Variants in ADH1C observed in about 807,000 individuals in gnomAD.
The protein encoded by ADH1C is alcohol dehydrogenase 1C (class I), gamma polypeptide.
In ADH1C, 26 loss-of-function variants were observed where a neutral mutation model predicts 35.0. That is an observed-to-expected ratio of 0.74 (90% CI 0.54 to 1.03). The LOEUF (loss-of-function observed/expected upper bound fraction) is 1.03. Ranked by LOEUF, ADH1C falls within the 50% of genes least tolerant of loss-of-function variation. The pLI is 0.00. For synonymous variants in ADH1C, 170 were observed against 169.3 expected (o/e 1.00, Z -0.03); for missense variants, 413 against 465.4 (o/e 0.89, Z 1.04).
intron 6 of ADH1C, among the ~76,000 whole-genome samples, chr4:99,340,928 A>T (rs1734400944): frequency 6.6e-6 from 1 of 152,218 alleles, no homozygotes; most frequent in Admixed American, 6.5e-5. Flanking sequence ...TGGACGAATA[A>T]ATTTGTGTGC....
intron 3 of ADH1C, 107 bp downstream of exon 3, chr4:99,346,899 G>A (rs1734542502): frequency 6.6e-7 from 1 of 1,519,968 alleles, no homozygotes; most frequent in African/African-American, 1.4e-5. Flanking sequence ...GCTTCCCTGT[G>A]ACCTTGTGCA....
In ADH1C at chr4:99,352,685, G is replaced by A; in HGVS notation, c.-10C>T. The A allele has an allele frequency of 6.2e-7, 1 of 1,612,596 alleles. No homozygotes were observed. On this transcript the variant is annotated 5_prime_UTR_variant, in exon 1 of 9. Transcript: ENST00000515683. ...TTCCTGCTGTGCTCATATTGATTCT[G>A]TCTTCTCTGCAGACCAGGAGGCTGG...
At chr4:99,352,584 T>C in intron 1 of ADH1C, 74 bp downstream of exon 1, 1 of 1,307,004 alleles carries the variant, frequency 7.7e-7, no homozygotes, top group Non-Finnish European at 1.1e-6. Flanking sequence ...AAATTATTCA[T>C]TATTAATACT....
intron 8 of ADH1C, among the ~76,000 whole-genome samples, chr4:99,338,389 T>A (rs1734324334): frequency 1.3e-5 from 1 of 79,470 alleles, no homozygotes. Flanking sequence ...TGATGAATAC[T>A]GTTTTCTATA....
rs1734453513 is a variant in ADH1C, at chr4:99,343,035, A to T, written c.588T>A (p.Cys196Ter). The change falls in exon 6 of 9, where the codon TGT becomes TGA. Residue 196 changes from cysteine to a stop codon, truncating the protein, a stop_gained. Coordinates refer to ENST00000515683, the MANE Select transcript of ADH1C (RefSeq NM_000669.5). LOFTEE classifies it high-confidence loss of function. ...CGACCCCTCCCAGGCCAAACACAGC[A>T]CAGGTAGACCCTGGGGTGACCTATG... ...KVAKVTPGST[C>*]AVFGLGGVGL... is the part of the protein sequence containing the mutation. 1.2e-6 allele frequency: 2 copies of T among 1,614,088 alleles called. No homozygotes were observed. The highest frequency in any genetic ancestry group is 1.7e-6 in the Non-Finnish European group (2 of 1,180,034).
chr4:99,352,361 G>A lies in ADH1C; in HGVS notation c.18+297C>T, dbSNP rs181330442. ...AGCTTGGAATAAACTATCACTTTACGGCAAATTTATTTAATGTAGGAAATA... is the reference window on the plus strand; with the variant it reads ...AGCTTGGAATAAACTATCACTTTACAGCAAATTTATTTAATGTAGGAAATA... On this transcript the variant is annotated intron_variant, in intron 1 of 8. Transcript: ENST00000515683. 3.9e-3 allele frequency among the ~76,000 whole-genome samples: 591 copies of A among 151,906 alleles called. 4 individuals are homozygous for A. The highest frequency in any genetic ancestry group is 6.0e-3 in the Non-Finnish European group (411 of 67,968).
intron 1 of ADH1C, among the ~76,000 whole-genome samples, chr4:99,351,777 C>G (rs1359662046): frequency 6.6e-6 from 1 of 152,110 alleles, no homozygotes; most frequent in Non-Finnish European, 1.5e-5. Flanking sequence ...ACACTCCTAG[C>G]ACAACAAATG....
chr4:99,342,705 AT>A, intron 6 of ADH1C, 89 bp downstream of exon 6: 1 of 1,534,520 alleles, frequency 6.5e-7, no homozygotes, highest in South Asian at 1.2e-5. Flanking sequence ...CATTAAAAAT[AT>A]CCTTTATACA....
At chr4:99,350,636 G>A (rs1043748439) in intron 1 of ADH1C, among the ~76,000 whole-genome samples, 5 of 152,118 alleles carry the variant, frequency 3.3e-5, no homozygotes, top group Non-Finnish European at 5.9e-5. Context: ...TTATCCACTC[G>A]TTGGTTGATG....
intron 5 of ADH1C, among the ~76,000 whole-genome samples, chr4:99,343,987 G>A (rs962572000): frequency 6.6e-6 from 1 of 152,074 alleles, no homozygotes; most frequent in Non-Finnish European, 1.5e-5. Flanking sequence ...ATACTATGGG[G>A]GACAACACCA....
At chr4:99,350,788 T>A (rs1329023581) in intron 1 of ADH1C, among the ~76,000 whole-genome samples, 6 of 152,186 alleles carry the variant, frequency 3.9e-5, no homozygotes, top group Non-Finnish European at 7.3e-5. Flanking sequence ...TAATTGAGGA[T>A]CAACTGACTC....
intron 6 of ADH1C, 118 bp downstream of exon 6, chr4:99,342,677 C>T (rs1693481): frequency 0.38 from 555,398 of 1,474,036 alleles, 111,857 homozygotes; most frequent in Non-Finnish European, 0.41. Context: ...AAAAAGATGA[C>T]GGGAAATTTC....
At chr4:99,344,548 G>C (rs1438974374) in intron 5 of ADH1C, among the ~76,000 whole-genome samples, 1 of 152,112 alleles carries the variant, frequency 6.6e-6, no homozygotes, top group African/African-American at 2.4e-5. Flanking sequence ...GGTATGTATA[G>C]GTGCTCTCTA....
intron 1 of ADH1C, among the ~76,000 whole-genome samples, chr4:99,351,807 A>AT (rs1301633016): frequency 6.6e-6 from 1 of 152,220 alleles, no homozygotes; most frequent in South Asian, 2.1e-4. Context: ...AGTTGCACAG[A>AT]TTTTTTTAAA....
intron 6 of ADH1C, among the ~76,000 whole-genome samples, chr4:99,340,931 T>C (rs1435661490): frequency 6.6e-6 from 1 of 152,176 alleles, no homozygotes; most frequent in Non-Finnish European, 1.5e-5. Flanking sequence ...ACGAATAAAT[T>C]TGTGTGCCCT....
chr4:99,352,609 G>A (rs189082966), intron 1 of ADH1C, 49 bp downstream of exon 1: 219 of 1,480,878 alleles, frequency 1.5e-4, no homozygotes, highest in Middle Eastern at 3.6e-4. Context: ...TCCTTTATTT[G>A]TTATATTGAA....
intron 1 of ADH1C, among the ~76,000 whole-genome samples, chr4:99,349,989 T>A (rs575988689): frequency 6.6e-6 from 1 of 152,344 alleles, no homozygotes; most frequent in African/African-American, 2.4e-5. Context: ...GTAAAGCATG[T>A]ACAATTCACT....
intron 2 of ADH1C, 98 bp from the exon 3 acceptor site, chr4:99,347,242 T>A (rs571169213): frequency 6.9e-7 from 1 of 1,450,530 alleles, no homozygotes; most frequent in Non-Finnish European, 9.3e-7. Context: ...TCAAAAATAT[T>A]CTCAAGGGTT....
chr4:99,343,430 T>C (rs1734460941), intron 5 of ADH1C, among the ~76,000 whole-genome samples: 1 of 152,330 alleles, frequency 6.6e-6, no homozygotes, highest in Non-Finnish European at 1.5e-5. Context: ...GTGATTACAA[T>C]CTTGTAGGGA....
Sources: gnomAD v4.1 joint callset for allele counts (sites outside exome capture counted in the v4.1 genomes callset) on GRCh38, gnomAD v4.1.1 for gene constraint, MANE v1.5 for transcripts, NCBI Gene and HGNC (gene_info 2026-07-23, HGNC 2026-07-21) for gene names.